DCAF1: variants seen among roughly 807,000 people sequenced by gnomAD.
DCAF1 encodes DDB1 and CUL4 associated factor 1, also known as DDB1- and CUL4-associated factor 1.
In DCAF1, 15 loss-of-function variants were observed where a neutral mutation model predicts 128.0. The ratio of observed to expected loss-of-function variants is 0.12; its 90% CI spans 0.08 to 0.18. DCAF1 has a LOEUF of 0.18. Ranked by LOEUF, DCAF1 falls within the 10% of genes least tolerant of loss-of-function variation. The pLI, the probability that DCAF1 is intolerant of heterozygous loss-of-function variation, is 1.00. For synonymous variants in DCAF1, 610 were observed against 603.0 expected (o/e 1.01, Z -0.17); for missense variants, 988 against 1,649.5 (o/e 0.60, Z 6.95).
At chr3:51,402,084 G>T (rs1277625483) in intron 24 of DCAF1, among the ~76,000 whole-genome samples, 2 of 152,160 alleles carry the variant, frequency 1.3e-5, no homozygotes, top group African/African-American at 2.4e-5. Context: ...CCATAGTCAG[G>T]GGACAACTTG....
chr3:51,412,109 T>TTA (rs1312612615), intron 23 of DCAF1, among the ~76,000 whole-genome samples: 8 of 29,460 alleles, frequency 2.7e-4, no homozygotes, highest in African/African-American at 1.1e-3. Flanking sequence ...AACTCCATTC[T>TTA]AAAAAAAAAA....
intron 6 of DCAF1, among the ~76,000 whole-genome samples, chr3:51,454,969 G>A (rs1056284052): frequency 3.3e-5 from 5 of 151,992 alleles, no homozygotes; most frequent in East Asian, 1.9e-4. Flanking sequence ...CGCCACGCCC[G>A]GCCTACCCAG....
In DCAF1 at chr3:51,441,084, C is replaced by A; in HGVS notation, c.1027-13G>T. On this transcript the variant is annotated splice_polypyrimidine_tract_variant and intron_variant, in intron 8 of 24. Transcript: ENST00000684031. ...ATATGGGAAGTAGCTGAAATGAACA[C>A]CAAATACAAGTCTTAAATTTTGGCT... The A allele has an allele frequency of 6.2e-7, 1 of 1,600,342 alleles. No individual in the cohort carries two copies.
intron 13 of DCAF1, among the ~76,000 whole-genome samples, chr3:51,426,004 A>G (rs1699874989): frequency 6.6e-6 from 1 of 152,146 alleles, no homozygotes; most frequent in Admixed American, 6.5e-5. Context: ...AGTCAAAGCT[A>G]TTTTCGTAAT....
chr3:51,461,805 C>A (rs529348247), intron 6 of DCAF1, among the ~76,000 whole-genome samples: 1 of 152,110 alleles, frequency 6.6e-6, no homozygotes, highest in Admixed American at 6.6e-5. Context: ...AGCAAACTAT[C>A]GCAAGGACAA....
chr3:51,459,519 T>A (rs1231218041), intron 6 of DCAF1, among the ~76,000 whole-genome samples: 4 of 152,092 alleles, frequency 2.6e-5, no homozygotes, highest in Non-Finnish European at 5.9e-5. Context: ...ATTATTCCAA[T>A]CAACAGAAAA....
In DCAF1 at chr3:51,480,578, G is replaced by A. The variant is rs1460507167; in HGVS notation, c.110+3141C>T. 5.4e-4 allele frequency among the ~76,000 whole-genome samples: 67 copies of A among 124,716 alleles called. 3 individuals carry two copies. The highest frequency in any genetic ancestry group is 2.5e-3 in the Admixed American group (25 of 9,936). The allele number at this position is 124,716 out of a possible 152,430, so 81.8% of individuals were successfully genotyped here. On this transcript the variant is annotated intron_variant, in intron 3 of 24. Transcript: ENST00000684031. The stretch of plus-strand genomic sequence containing the variant: ...TGTGCCACTGCACTCCAGCCTGGGC[G>A]ACAGAGCTAGAGTCTGCCTCAAAAA...
At chr3:51,411,886 G>T (rs1270878877) in intron 23 of DCAF1, among the ~76,000 whole-genome samples, 1 of 152,002 alleles carries the variant, frequency 6.6e-6, no homozygotes, top group Non-Finnish European at 1.5e-5. Context: ...GACGTGGGCA[G>T]ATCATCTGAG....
Position 51,412,373 on chromosome 3 carries a change from A to G in DCAF1, c.4212+6T>C. On this transcript the variant is annotated splice_donor_region_variant and intron_variant, in intron 23 of 24. Coordinates refer to ENST00000684031, the MANE Select transcript of DCAF1 (RefSeq NM_001387579.1). ...TCAGCAGAAAGAAATCTCAAAGACC[A>G]CTGACCTGGTCCTCCTCTTCATCCT... The G allele has an allele frequency of 3.1e-6, 5 of 1,613,782 alleles. No individual in the cohort carries two copies. The highest frequency in any genetic ancestry group is 1.7e-5 in the Admixed American group (1 of 60,014).
chr3:51,458,157 T>A (rs532726677), intron 6 of DCAF1, among the ~76,000 whole-genome samples: 30 of 152,136 alleles, frequency 2.0e-4, no homozygotes, highest in Non-Finnish European at 4.3e-4. Context: ...GTGTGCTGTA[T>A]TCAGGAAACC....
At chr3:51,407,959 T>TGGGTGACA (rs1698031195) in intron 23 of DCAF1, among the ~76,000 whole-genome samples, 1 of 114,286 alleles carries the variant, frequency 8.7e-6, no homozygotes, top group Non-Finnish European at 1.6e-5. Flanking sequence ...CGCTCCAGCC[T>TGGGTGACA]GGGTGACAGG....
intron 2 of DCAF1, among the ~76,000 whole-genome samples, chr3:51,486,980 T>C (rs1315851978): frequency 8.6e-5 from 13 of 150,892 alleles, no homozygotes; most frequent in South Asian, 2.1e-4. Flanking sequence ...CTTTTCTTTT[T>C]TTTTTTAAGA....
chr3:51,419,643 A>G, intron 15 of DCAF1, 91 bp downstream of exon 15: 2 of 1,508,324 alleles, frequency 1.3e-6, no homozygotes, highest in Non-Finnish European at 1.8e-6. Flanking sequence ...AATCAGTGGT[A>G]TTTCAGGACA....
intron 13 of DCAF1, among the ~76,000 whole-genome samples, chr3:51,425,242 A>G (rs112387000): frequency 0.98 from 148,934 of 152,192 alleles, 72,962 homozygotes; most frequent in East Asian, 1. Context: ...AGGCTGAGGC[A>G]GGCAGATCAC....
chr3:51,403,177 A>ATTC lies in DCAF1; in HGVS notation c.4430_4431insGAA (p.Asp1477delinsGluAsn). 1 of 1,613,874 alleles carries ATTC rather than the reference A, an allele frequency of 6.2e-7. No individual in the cohort carries two copies. ...GGATCAGTTCCACCTCCTCATCTGC[A>ATTC]TCAGAGTCTTCATCCTCCCCGTCCT... On this transcript the variant is annotated protein_altering_variant, in exon 24 of 25. Transcript: ENST00000684031.
chr3:51,478,917 T>C (rs1450451711), intron 3 of DCAF1, among the ~76,000 whole-genome samples: 1 of 152,164 alleles, frequency 6.6e-6, no homozygotes, highest in Non-Finnish European at 1.5e-5. Context: ...TTAGGAACAA[T>C]ACATTTATCC....
intron 23 of DCAF1, among the ~76,000 whole-genome samples, chr3:51,404,396 AT>A (rs142996509): frequency 3.9e-5 from 6 of 152,180 alleles, no homozygotes; most frequent in Admixed American, 3.3e-4. Context: ...GCACAAAAAA[AT>A]TTTTTTTGTT....
intron 12 of DCAF1, among the ~76,000 whole-genome samples, chr3:51,428,650 T>C (rs1231818450): frequency 6.6e-6 from 1 of 152,148 alleles, no homozygotes; most frequent in Non-Finnish European, 1.5e-5. Context: ...AAACACATTT[T>C]CAGAAAAGAA....
chr3:51,397,617 CCTCT>C (rs2089290721), downstream of DCAF1: 1 of 167,138 alleles, frequency 6.0e-6, no homozygotes, highest in Non-Finnish European at 1.5e-5. Flanking sequence ...AAAGCCCTGA[CCTCT>C]CTCTCCACAT....
Sources: gnomAD v4.1 joint callset for allele counts (sites outside exome capture counted in the v4.1 genomes callset) on GRCh38, gnomAD v4.1.1 for gene constraint, MANE v1.5 for transcripts, NCBI Gene and HGNC (gene_info 2026-07-23, HGNC 2026-07-21) for gene names.